TYW1B: variants seen among roughly 807,000 people sequenced by gnomAD.
TYW1B encodes the protein tRNA-yW synthesizing protein 1 homolog B.
A neutral mutation model predicts 86.9 loss-of-function variants in TYW1B; 73 were observed. That is an observed-to-expected ratio of 0.84 (90% CI 0.70 to 1.02). The LOEUF (loss-of-function observed/expected upper bound fraction) is 1.02. Among genes scored for constraint, TYW1B ranks in the 50% least tolerant of loss-of-function variants. The pLI, the probability that TYW1B is intolerant of heterozygous loss-of-function variation, is 0.00. For synonymous variants in TYW1B, 248 were observed against 292.8 expected (o/e 0.85, Z 1.56); for missense variants, 637 against 827.4 (o/e 0.77, Z 2.82).
At chr7:72,724,924 C>T (rs186551699) in intron 9 of TYW1B, among the ~76,000 whole-genome samples, 4 of 152,284 alleles carry the variant, frequency 2.6e-5, no homozygotes, top group Admixed American at 6.5e-5. Flanking sequence ...TTTCTCTCTG[C>T]TATCCTGCAT....
At chr7:72,763,459 C>T (rs13312386) in intron 7 of TYW1B, among the ~76,000 whole-genome samples, 103,841 of 151,198 alleles carry the variant, frequency 0.69, 36,576 homozygotes, top group Non-Finnish European at 0.77. Flanking sequence ...ATTTTTTGTA[C>T]TTTTAGTAGA....
chr7:72,821,895 C>G (rs1158643406), intron 2 of TYW1B, among the ~76,000 whole-genome samples: 1 of 151,932 alleles, frequency 6.6e-6, no homozygotes, highest in South Asian at 2.1e-4. Flanking sequence ...ATATGATGCT[C>G]TAAGAAAGGT....
chr7:72,788,762 A>C (rs1208773123), intron 6 of TYW1B, among the ~76,000 whole-genome samples: 5 of 151,944 alleles, frequency 3.3e-5, no homozygotes, highest in African/African-American at 1.2e-4. Flanking sequence ...CAAACTCCTG[A>C]CCTCAGGTGA....
intron 13 of TYW1B, among the ~76,000 whole-genome samples, chr7:72,607,498 A>G (rs149237822): frequency 2.6e-4 from 39 of 148,646 alleles, no homozygotes; most frequent in African/African-American, 7.5e-4. Flanking sequence ...GAGAGGGAGG[A>G]AGGAAGGAAG....
chr7:72,618,998 A>G (rs782193400), intron 12 of TYW1B, among the ~76,000 whole-genome samples: 1 of 152,182 alleles, frequency 6.6e-6, no homozygotes, highest in Non-Finnish European at 1.5e-5. Context: ...CACATTTCAT[A>G]CTAACTCCCC....
Position 72,713,735 on chromosome 7 carries a change from G to A in TYW1B, c.1256C>T (p.Ser419Phe). The change falls in exon 10 of 14, where the codon TCC becomes TTC. Residue 419 changes from serine (S) to phenylalanine (F), a missense_variant. Transcript: ENST00000620995. ...GTACATTATTGGTTCTCCCACGAGG[G>A]ACAATGCACAGTGCTTTACCGTCAT... ...EGMTVKHCALSLVGEPIMYPE... is the reference protein window; with the variant it reads ...EGMTVKHCALFLVGEPIMYPE... 1 of 1,613,072 alleles carries A rather than the reference G, an allele frequency of 6.2e-7. No individual in the cohort carries two copies. The highest frequency in any genetic ancestry group is 8.5e-7 in the Non-Finnish European group (1 of 1,179,624).
intron 3 of TYW1B, among the ~76,000 whole-genome samples, chr7:72,811,341 C>T (rs1205978225): frequency 2.7e-5 from 4 of 150,834 alleles, no homozygotes; most frequent in Middle Eastern, 3.2e-3. Context: ...TGGCCAGGCA[C>T]GGTGGCTACT....
intron 7 of TYW1B, 22 bp downstream of exon 7, chr7:72,777,394 A>G: frequency 6.2e-7 from 1 of 1,612,242 alleles, no homozygotes; most frequent in Non-Finnish European, 8.5e-7. Flanking sequence ...GTCATATAAC[A>G]ACAATTCTTG....
intron 13 of TYW1B, among the ~76,000 whole-genome samples, chr7:72,594,114 A>G (rs1811470854): frequency 6.6e-6 from 1 of 151,972 alleles, no homozygotes; most frequent in African/African-American, 2.4e-5. Context: ...GGAACTAAAA[A>G]CAGGACAAAC....
chr7:72,783,375 C>T (rs1389914867), intron 6 of TYW1B, among the ~76,000 whole-genome samples: 5 of 89,530 alleles, frequency 5.6e-5, no homozygotes, highest in African/African-American at 1.3e-4. Context: ...CAAAGCAAGA[C>T]TTCATCTCAA....
intron 7 of TYW1B, among the ~76,000 whole-genome samples, chr7:72,768,569 C>CTT (rs1787813582): frequency 6.6e-6 from 1 of 152,024 alleles, no homozygotes; most frequent in African/African-American, 2.4e-5. Context: ...GGGCGGATCA[C>CTT]GAGGTCAGGA....
chr7:72,582,248 G>A (rs572338224), intron 13 of TYW1B, among the ~76,000 whole-genome samples: 1 of 152,212 alleles, frequency 6.6e-6, no homozygotes, highest in African/African-American at 2.4e-5. Flanking sequence ...CATTAAAGGT[G>A]TCTACAATGG....
intron 13 of TYW1B, among the ~76,000 whole-genome samples, chr7:72,599,307 T>C (rs1448992811): frequency 6.6e-6 from 1 of 152,216 alleles, no homozygotes; most frequent in Admixed American, 6.5e-5. Flanking sequence ...TATCAATAGT[T>C]GAAGAAAATC....
At chr7:72,659,524 G>A (rs1554444175) in intron 11 of TYW1B, among the ~76,000 whole-genome samples, 1 of 152,196 alleles carries the variant, frequency 6.6e-6, no homozygotes, top group Non-Finnish European at 1.5e-5. Flanking sequence ...GGTACAGTGA[G>A]CCGAGATCAT....
intron 11 of TYW1B, among the ~76,000 whole-genome samples, chr7:72,692,023 T>C (rs1353305514): frequency 1.3e-5 from 2 of 151,352 alleles, no homozygotes; most frequent in African/African-American, 2.4e-5. Flanking sequence ...CTGGCCAACA[T>C]GGTGAAACCC....
chr7:72,826,486 C>G (rs1318016270), intron 2 of TYW1B, among the ~76,000 whole-genome samples: 24 of 152,128 alleles, frequency 1.6e-4, no homozygotes, highest in African/African-American at 5.6e-4. Context: ...ACTTTACATA[C>G]TTTTATCCTA....
intron 6 of TYW1B, among the ~76,000 whole-genome samples, chr7:72,784,375 T>C (rs1554472106): frequency 1.3e-5 from 2 of 152,234 alleles, no homozygotes; most frequent in African/African-American, 4.8e-5. Context: ...GACAAATTGC[T>C]TAAACTAAGC....
At chr7:72,675,616 A>G (rs1317447819) in intron 11 of TYW1B, among the ~76,000 whole-genome samples, 9 of 151,186 alleles carry the variant, frequency 6.0e-5, no homozygotes, top group African/African-American at 1.7e-4. Flanking sequence ...CATGCACTGT[A>G]TATACACACA....
intron 10 of TYW1B, among the ~76,000 whole-genome samples, chr7:72,696,217 G>A (rs1482617761): frequency 6.6e-6 from 1 of 152,070 alleles, no homozygotes; most frequent in Non-Finnish European, 1.5e-5. Flanking sequence ...CAAAGTGCTG[G>A]GATTACAGGC....
Sources: gnomAD v4.1 joint callset for allele counts (sites outside exome capture counted in the v4.1 genomes callset) on GRCh38, gnomAD v4.1.1 for gene constraint, MANE v1.5 for transcripts, NCBI Gene and HGNC (gene_info 2026-07-23, HGNC 2026-07-21) for gene names.